Variants in CACNA2D3 observed in about 807,000 individuals in gnomAD.
CACNA2D3 encodes calcium voltage-gated channel auxiliary subunit alpha2delta 3.
A neutral mutation model predicts 160.6 loss-of-function variants in CACNA2D3; 60 were observed. The observed-to-expected ratio is 0.37, with a 90% confidence interval of 0.30 to 0.46. The LOEUF is 0.46. Ranked by LOEUF, CACNA2D3 falls within the 20% of genes least tolerant of loss-of-function variation. The pLI is 1.00. For synonymous variants in CACNA2D3, 558 were observed against 492.9 expected, an observed-to-expected ratio of 1.13 and a Z score of -1.75; for missense variants, 1,205 against 1,365.0, an observed-to-expected ratio of 0.88 and a Z score of 1.85.
At chr3:54,724,040 AC>A (rs1701228648) in intron 11 of CACNA2D3, among the ~76,000 whole-genome samples, 1 of 150,152 alleles carries the variant, frequency 6.7e-6, no homozygotes, top group Non-Finnish European at 1.5e-5. Flanking sequence ...ACGTGCAGAC[AC>A]ACATAGGCTG....
chr3:54,993,509 A>T (rs1301230309), intron 31 of CACNA2D3, among the ~76,000 whole-genome samples: 1 of 152,234 alleles, frequency 6.6e-6, no homozygotes, highest in Non-Finnish European at 1.5e-5. Flanking sequence ...AGGGAGACCG[A>T]AGGGAAAGTT....
intron 13 of CACNA2D3, among the ~76,000 whole-genome samples, chr3:54,815,868 G>C (rs748688847): frequency 6.6e-6 from 1 of 152,160 alleles, no homozygotes; most frequent in African/African-American, 2.4e-5. Flanking sequence ...GTAAATCTTC[G>C]TAATGATGTA....
chr3:54,639,650 G>T (rs1699464354), intron 10 of CACNA2D3: 2 of 248,356 alleles, frequency 8.1e-6, no homozygotes, highest in Non-Finnish European at 1.5e-5. Flanking sequence ...TTGGTCTGAG[G>T]ACCTGAGGTC....
intron 11 of CACNA2D3, among the ~76,000 whole-genome samples, chr3:54,734,990 A>T (rs907270070): frequency 3.3e-5 from 5 of 152,228 alleles, no homozygotes; most frequent in African/African-American, 4.8e-5. Context: ...GAGTGTAACC[A>T]TTAAGGCACT....
chr3:54,335,958 C>A (rs1270588655), intron 3 of CACNA2D3, among the ~76,000 whole-genome samples: 1 of 141,826 alleles, frequency 7.1e-6, no homozygotes, highest in Admixed American at 7.4e-5. Flanking sequence ...GAGCTGAGAT[C>A]GCGCCACTGT....
At chr3:54,127,278 C>T (rs1699613370) in intron 2 of CACNA2D3, among the ~76,000 whole-genome samples, 1 of 152,230 alleles carries the variant, frequency 6.6e-6, no homozygotes, top group African/African-American at 2.4e-5. Context: ...TCATGGAGCA[C>T]TTACCAAACA....
chr3:54,132,202 G>A (rs1442184400), intron 2 of CACNA2D3, among the ~76,000 whole-genome samples: 1 of 152,196 alleles, frequency 6.6e-6, no homozygotes, highest in Non-Finnish European at 1.5e-5. Context: ...GAATGCTAAT[G>A]CTACGTTTGG....
intron 5 of CACNA2D3, among the ~76,000 whole-genome samples, chr3:54,508,471 C>A (rs1321508607): frequency 6.6e-6 from 1 of 152,172 alleles, no homozygotes; most frequent in East Asian, 1.9e-4. Context: ...CATATCAGCC[C>A]CATGAAGGCG....
Position 54,805,886 on chromosome 3 carries a change from G to A in CACNA2D3, c.1381-10967G>A, listed in dbSNP as rs572346935. Among the ~76,000 whole-genome samples, 10 of 152,240 alleles carry A rather than the reference G, an allele frequency of 6.6e-5. No individual in the cohort carries two copies. In the South Asian group the frequency reaches 2.1e-3, roughly 32 times the overall value. ...AGTGGGCTTCATCCCTGGGATGCAA[G>A]GCTGGTTCAATATATGCAAATCAAT... is the stretch of plus-strand genomic sequence containing the variant. On this transcript the variant is annotated intron_variant, in intron 13 of 37. Coordinates refer to ENST00000474759, the MANE Select transcript of CACNA2D3 (RefSeq NM_018398.3).
chr3:54,487,407 T>TACTTCTGTCATTAGTAGC (rs1386294932), intron 4 of CACNA2D3, among the ~76,000 whole-genome samples: 1 of 152,154 alleles, frequency 6.6e-6, no homozygotes, highest in South Asian at 2.1e-4. Context: ...GCAAATGTAG[T>TACTTCTGTCATTAGTAGC]ACTTCTGTCA....
intron 3 of CACNA2D3, among the ~76,000 whole-genome samples, chr3:54,337,006 C>G (rs2107522727): frequency 6.6e-6 from 1 of 152,036 alleles, no homozygotes; most frequent in East Asian, 1.9e-4. Context: ...CTTGCATGGA[C>G]CAGTGATGAT....
chr3:54,225,102 A>G (rs62252199), intron 2 of CACNA2D3, among the ~76,000 whole-genome samples: 3 of 150,754 alleles, frequency 2.0e-5, no homozygotes, highest in South Asian at 2.1e-4. Context: ...ATCCCTCCCC[A>G]CTCCACCCAC....
intron 2 of CACNA2D3, among the ~76,000 whole-genome samples, chr3:54,186,790 G>T (rs1017784761): frequency 1.3e-5 from 2 of 152,064 alleles, no homozygotes; most frequent in African/African-American, 4.8e-5. Flanking sequence ...ATGGGAATGA[G>T]ACCTTAAAAT....
chr3:54,159,536 AAAAC>A (rs1303971117), intron 2 of CACNA2D3, among the ~76,000 whole-genome samples: 4 of 152,242 alleles, frequency 2.6e-5, no homozygotes, highest in Non-Finnish European at 5.9e-5. Flanking sequence ...TAAATCAAGA[AAAAC>A]AAATTCAATG....
intron 11 of CACNA2D3, among the ~76,000 whole-genome samples, chr3:54,650,415 G>T (rs910335011): frequency 6.6e-5 from 10 of 152,138 alleles, no homozygotes; most frequent in Admixed American, 1.3e-4. Flanking sequence ...AGGCTGGAGT[G>T]TAGTGGTGCA....
At chr3:54,642,838 AC>A (rs1258022844) in intron 11 of CACNA2D3, among the ~76,000 whole-genome samples, 4 of 152,082 alleles carry the variant, frequency 2.6e-5, no homozygotes, top group Non-Finnish European at 2.9e-5. Flanking sequence ...GAGTGCCTGA[AC>A]TCAGAGGTTT....
intron 4 of CACNA2D3, among the ~76,000 whole-genome samples, chr3:54,400,372 A>T (rs1699432479): frequency 6.6e-6 from 1 of 151,776 alleles, no homozygotes; most frequent in Non-Finnish European, 1.5e-5. Context: ...AAGCTCATGA[A>T]ACCCTGAGCC....
intron 16 of CACNA2D3, among the ~76,000 whole-genome samples, chr3:54,839,918 C>G (rs1208431393): frequency 1.3e-5 from 2 of 152,088 alleles, no homozygotes; most frequent in Non-Finnish European, 2.9e-5. Context: ...TTGATCCAAA[C>G]CCACATAATA....
rs1701311419 is a variant in CACNA2D3, at chr3:54,502,595, C to T, written c.382-897C>T. 2.6e-5 allele frequency among the ~76,000 whole-genome samples: 4 copies of T among 152,266 alleles called. No individual in the cohort carries two copies. The South Asian group carries it at 8.3e-4, about 32-fold the overall frequency. Reference sequence around the variant, plus strand: ...TTTTAAGGTTCTGCTCTGTTAATTCCACCCACACCTGCCATTGGCCATCTG... The same window carrying T: ...TTTTAAGGTTCTGCTCTGTTAATTCTACCCACACCTGCCATTGGCCATCTG... On this transcript the variant is annotated intron_variant, in intron 4 of 37. Coordinates refer to ENST00000474759, the MANE Select transcript of CACNA2D3 (RefSeq NM_018398.3).
Sources: gnomAD v4.1 joint callset for allele counts (sites outside exome capture counted in the v4.1 genomes callset) on GRCh38, gnomAD v4.1.1 for gene constraint, MANE v1.5 for transcripts, NCBI Gene and HGNC (gene_info 2026-07-23, HGNC 2026-07-21) for gene names.